FGD4: variants seen among roughly 807,000 people sequenced by gnomAD.
FGD4 encodes FYVE, RhoGEF and PH domain-containing protein 4.
A neutral mutation model predicts 102.0 loss-of-function variants in FGD4; 42 were observed. The ratio of observed to expected loss-of-function variants is 0.41; its 90% confidence interval spans 0.32 to 0.53. The LOEUF is 0.53. Ranked by LOEUF, FGD4 falls within the 20% of genes least tolerant of loss-of-function variation. FGD4 has a pLI of 0.21. For missense variants in FGD4, 902 were observed against 1,078.2 expected (o/e 0.84, Z 2.29); for synonymous variants, 380 against 375.7 (o/e 1.01, Z -0.13).
At chr12:32,478,552 C>T (rs900584973) in intron 1 of FGD4, among the ~76,000 whole-genome samples, 2 of 152,126 alleles carry the variant, frequency 1.3e-5, no homozygotes, top group African/African-American at 2.4e-5. Flanking sequence ...AGATGTGAGC[C>T]GTTGTGCCTG....
chr12:32,471,491 G>A (rs183842565), intron 1 of FGD4, among the ~76,000 whole-genome samples: 1 of 152,198 alleles, frequency 6.6e-6, no homozygotes, highest in South Asian at 2.1e-4. Context: ...TAATGCATTA[G>A]ATTTTTCAGA....
At chr12:32,570,851 G>T (rs1389980159) in intron 2 of FGD4, among the ~76,000 whole-genome samples, 1 of 152,098 alleles carries the variant, frequency 6.6e-6, no homozygotes, top group African/African-American at 2.4e-5. Context: ...TCTTCACAGG[G>T]CCTTGTAGAA....
Position 32,564,220 on chromosome 12 carries a change from G to A in FGD4, c.250G>A (p.Glu84Lys). ...CACACTGGTTGGTGAGAATGTATCTGAAGAAGAGGCTCAGGGAATAAATGG... is the reference window on the plus strand; with the variant it reads ...CACACTGGTTGGTGAGAATGTATCTAAAGAAGAGGCTCAGGGAATAAATGG... ...TTTLVGENVS[E>K]EEAQGINGNR... is the part of the protein sequence containing the mutation. Residue 84 changes from glutamate (E) to lysine (K), a missense_variant, in exon 2 of 17, where the codon GAA becomes AAA. Physicochemically the swap from Glu to Lys is moderately conservative, Grantham distance 56. This residue lies in a region of FGD4 where 443 missense variants were observed against 459.2 expected (regional missense o/e 0.96). Transcript: ENST00000534526. 1 of 1,536,116 alleles carries A rather than the reference G, an allele frequency of 6.5e-7. No individual in the cohort carries two copies. Among genetic ancestry groups the A allele is most frequent in the Non-Finnish European group, 8.7e-7 (1 of 1,146,894 alleles).
At chr12:32,623,112 A>G (rs768870237) in intron 11 of FGD4, among the ~76,000 whole-genome samples, 35 of 152,224 alleles carry the variant, frequency 2.3e-4, no homozygotes, top group Non-Finnish European at 4.3e-4. Context: ...TCTACTTTCA[A>G]AAAGATAAAA....
intron 1 of FGD4, among the ~76,000 whole-genome samples, chr12:32,444,406 T>C (rs1476629482): frequency 5.3e-5 from 8 of 152,158 alleles, no homozygotes; most frequent in African/African-American, 1.9e-4. Context: ...TTTTTTTTGT[T>C]TTGTTTTTTG....
chr12:32,406,371 T>C (rs1940933813), intron 1 of FGD4, among the ~76,000 whole-genome samples: 1 of 151,714 alleles, frequency 6.6e-6, no homozygotes, highest in African/African-American at 2.4e-5. Flanking sequence ...CTGGCCAACA[T>C]GGTGAAACCC....
chr12:32,593,612 AG>A lies in FGD4; in HGVS notation c.1012-4884del, dbSNP rs544620561. 1.3e-4 allele frequency among the ~76,000 whole-genome samples: 20 copies of A among 152,372 alleles called. No homozygotes were observed. The South Asian group carries it at 3.7e-3, about 28-fold the overall frequency. ...GCAGTCAGCAAAGATTATTCTGATA[AG>A]CTTCCTATTTAAGATCCTGTAGGAT... is the stretch of plus-strand genomic sequence containing the variant. On this transcript the variant is annotated intron_variant, in intron 4 of 16. Transcript: ENST00000534526.
intron 1 of FGD4, among the ~76,000 whole-genome samples, chr12:32,481,560 C>T (rs1301275319): frequency 6.6e-6 from 1 of 151,992 alleles, no homozygotes; most frequent in African/African-American, 2.4e-5. Context: ...CGGTGGCTCA[C>T]GCCTGTAATC....
At chr12:32,527,862 T>A (rs1042647128) in intron 1 of FGD4, among the ~76,000 whole-genome samples, 1 of 152,206 alleles carries the variant, frequency 6.6e-6, no homozygotes, top group African/African-American at 2.4e-5. Context: ...ATTTCCTAAT[T>A]TAGATTAGTA....
chr12:32,403,099 T>C (rs1277509546), intron 1 of FGD4, among the ~76,000 whole-genome samples: 3 of 150,650 alleles, frequency 2.0e-5, no homozygotes, highest in Admixed American at 6.6e-5. Context: ...CATTACTCAA[T>C]TGAAATGTCA....
rs1010427510 is a variant in FGD4, at chr12:32,642,185, C to T, written c.*1652C>T. Reference sequence around the variant, plus strand: ...AAGGATTATCAGCCATGATCATTAACATTAAACCAAATAGATGGAGCCAAA... The same window carrying T: ...AAGGATTATCAGCCATGATCATTAATATTAAACCAAATAGATGGAGCCAAA... On this transcript the variant is annotated 3_prime_UTR_variant, in exon 17 of 17. Transcript: ENST00000534526. 4 of 152,102 alleles carry T rather than the reference C, an allele frequency of 2.6e-5. No individual in the cohort carries two copies. Among genetic ancestry groups the T allele is most frequent in the African/African-American group, 9.7e-5 (4 of 41,438 alleles). 9.4% of individuals were successfully genotyped at this position (152,102 alleles called of 1,614,324 possible). A position where few individuals can be genotyped will look rare whatever the true frequency, so the allele number is the denominator to read the frequency against.
chr12:32,486,751 T>G (rs1212318647), intron 1 of FGD4, among the ~76,000 whole-genome samples: 1 of 152,230 alleles, frequency 6.6e-6, no homozygotes, highest in Non-Finnish European at 1.5e-5. Flanking sequence ...GACTAGGTAC[T>G]TCTATCATTG....
At chr12:32,598,262 T>C (rs1948071501) in intron 4 of FGD4, among the ~76,000 whole-genome samples, 1 of 152,170 alleles carries the variant, frequency 6.6e-6, no homozygotes, top group Admixed American at 6.5e-5. Context: ...AAGGTAGATA[T>C]GATAGTGGTA....
chr12:32,636,465 G>A (rs991467215), intron 15 of FGD4, among the ~76,000 whole-genome samples: 5 of 151,930 alleles, frequency 3.3e-5, no homozygotes, highest in South Asian at 2.1e-4. Context: ...CCTGGGCGGC[G>A]GAGGTGTCAG....
rs544220118 is a variant in FGD4, at chr12:32,473,742, T to TG, written c.166+73785dup. Among the ~76,000 whole-genome samples the TG allele has an allele frequency of 2.5e-3, 379 of 152,168 alleles. 3 individuals are homozygous for TG. Among genetic ancestry groups the TG allele is most frequent in the African/African-American group, 8.6e-3 (359 of 41,508 alleles). The stretch of plus-strand genomic sequence containing the variant: ...CCCCACTTTCCACCCCAACATATAA[T>TG]GGTAAGGCAGGGACAGGAAAATTAC... On this transcript the variant is annotated intron_variant, in intron 1 of 16. Coordinates refer to ENST00000534526, the MANE Select transcript of FGD4 (RefSeq NM_001370298.3).
chr12:32,550,711 T>G (rs1310986711), intron 1 of FGD4, among the ~76,000 whole-genome samples: 1 of 150,004 alleles, frequency 6.7e-6, no homozygotes, highest in African/African-American at 2.4e-5. Context: ...AAAAAGTTCA[T>G]TAGCACTTAA....
chr12:32,408,495 G>T (rs1159298105), intron 1 of FGD4, among the ~76,000 whole-genome samples: 1 of 152,030 alleles, frequency 6.6e-6, no homozygotes, highest in African/African-American at 2.4e-5. Flanking sequence ...TAGAGATGGG[G>T]TTTCGCCTTG....
chr12:32,432,349 C>T (rs1211326248), intron 1 of FGD4, among the ~76,000 whole-genome samples: 4 of 112,800 alleles, frequency 3.5e-5, no homozygotes, highest in South Asian at 3.1e-4. Flanking sequence ...CGTGAGCCAC[C>T]GCGCCCGACC....
chr12:32,480,851 T>C (rs754268564), intron 1 of FGD4, among the ~76,000 whole-genome samples: 1 of 150,616 alleles, frequency 6.6e-6, no homozygotes, highest in Non-Finnish European at 1.5e-5. Flanking sequence ...TTGCCCAGGC[T>C]GGAGTGTTGT....
Sources: allele counts gnomAD v4.1 joint callset (sites outside exome capture counted in the v4.1 genomes callset), GRCh38; gene constraint gnomAD v4.1.1; regional missense constraint gnomAD v4.1.1; transcripts MANE v1.5; gene names NCBI Gene and HGNC (gene_info 2026-07-23, HGNC 2026-07-21).